The following ZNF611 variants were observed in gnomAD, a reference collection of about 807,000 sequenced individuals.
ZNF611 encodes zinc finger protein 611.
Under a neutral mutation model 8.9 loss-of-function variants are expected in ZNF611, and 6 were observed. That is an observed-to-expected ratio of 0.68 (90% CI 0.37 to 1.34). The LOEUF (loss-of-function observed/expected upper bound fraction) is 1.34, where lower values mean the gene tolerates loss of function less well. Ranked by LOEUF, ZNF611 falls within the 40% of genes most tolerant of loss-of-function variation. The pLI, the probability that ZNF611 is intolerant of heterozygous loss-of-function variation, is 0.02. For synonymous variants in ZNF611, 262 were observed against 279.7 expected (o/e 0.94, Z 0.63); for missense variants, 874 against 841.3 (o/e 1.04, Z -0.48).
At chr19:52,719,522 T>C (rs1351142138) in intron 3 of ZNF611, among the ~76,000 whole-genome samples, 1 of 152,184 alleles carries the variant, frequency 6.6e-6, no homozygotes, top group African/African-American at 2.4e-5. Flanking sequence ...ATCTGTATAA[T>C]TTAAACTAAT....
chr19:52,732,252 A>AGC (rs2062430380), intron 1 of ZNF611, among the ~76,000 whole-genome samples: 2 of 152,144 alleles, frequency 1.3e-5, no homozygotes, highest in Non-Finnish European at 2.9e-5. Context: ...CCTGGGTGAC[A>AGC]GAGCAAAACT....
intron 5 of ZNF611, among the ~76,000 whole-genome samples, chr19:52,712,649 A>AT (rs1191122134): frequency 6.6e-6 from 1 of 151,204 alleles, no homozygotes; most frequent in Non-Finnish European, 1.5e-5. Context: ...AAAAAAAAAA[A>AT]AGAAAGAAAC....
intron 3 of ZNF611, 77 bp from the exon 4 acceptor site, chr19:52,715,990 G>T: frequency 1.3e-6 from 2 of 1,543,346 alleles, no homozygotes; most frequent in Admixed American, 3.5e-5. Context: ...ACGAACGGGG[G>T]AGACGTCACC....
intron 3 of ZNF611, chr19:52,723,863 T>A (rs1252474135): frequency 6.6e-6 from 1 of 152,224 alleles, no homozygotes; most frequent in Admixed American, 6.5e-5. Flanking sequence ...TAAGGAAAGA[T>A]GCTGTACCTC....
chr19:52,722,239 G>A (rs945087173), intron 3 of ZNF611, among the ~76,000 whole-genome samples: 15 of 151,808 alleles, frequency 9.9e-5, no homozygotes, highest in Admixed American at 5.9e-4. Flanking sequence ...ATAACTAGCC[G>A]GGCTTGGTGT....
At position 52,705,336 on chromosome 19, in the gene ZNF611, C is replaced by A. The variant is rs2062233394; in HGVS notation, c.1719G>T (p.Lys573Asn). ...EKPYKCNECS[K>N]TFSHRSYLVC... Reference sequence around the variant, plus strand: ...CAAGGTATGACCTGTGACTGAAGGTCTTGCTGCACTCATTACACTTGTAAG... The same window carrying A: ...CAAGGTATGACCTGTGACTGAAGGTATTGCTGCACTCATTACACTTGTAAG... Residue 573 changes from lysine to asparagine, a missense_variant, in exon 6 of 6, where the codon AAG becomes AAT. Transcript: ENST00000652185. 5 of 1,613,990 alleles carry A rather than the reference C, an allele frequency of 3.1e-6. No individual in the cohort carries two copies. Among genetic ancestry groups the A allele is most frequent in the Non-Finnish European group, 4.2e-6 (5 of 1,180,034 alleles).
rs142178898 is a variant in ZNF611, at chr19:52,705,315, G to C, written c.1740C>G (p.Tyr580Ter). 7 of 1,613,936 alleles carry C rather than the reference G, an allele frequency of 4.3e-6. No individual in the cohort carries two copies. The highest frequency in any genetic ancestry group is 1.7e-5 in the Admixed American group (1 of 59,980). ...ECSKTFSHRSYLVCHHRVHSG... is the reference protein window; with the variant it reads ...ECSKTFSHRS ...TATGAACTCTATGATGGCATACAAG[G>C]TATGACCTGTGACTGAAGGTCTTGC... Residue 580 changes from tyrosine to a stop codon, truncating the protein, a stop_gained, in exon 6 of 6, where the codon TAC becomes TAG. Transcript: ENST00000652185. LOFTEE classifies it low-confidence loss of function (END_TRUNC).
At chr19:52,727,703 G>T (rs1392912516) in intron 3 of ZNF611, among the ~76,000 whole-genome samples, 2 of 152,048 alleles carry the variant, frequency 1.3e-5, no homozygotes, top group African/African-American at 4.8e-5. Flanking sequence ...CAATGTATTG[G>T]GATTACAGGC....
intron 5 of ZNF611, chr19:52,711,065 C>G (rs1351324941): frequency 6.6e-6 from 1 of 152,196 alleles, no homozygotes; most frequent in East Asian, 1.9e-4. Context: ...GGCACAGTGG[C>G]TCATGCCTGT....
intron 3 of ZNF611, among the ~76,000 whole-genome samples, chr19:52,724,861 A>ATC (rs1341306537): frequency 4.0e-5 from 6 of 151,586 alleles, no homozygotes; most frequent in African/African-American, 9.7e-5. Flanking sequence ...CTTGTCCTTC[A>ATC]TCTCTGTACA....
intron 3 of ZNF611, chr19:52,716,176 T>C (rs2062316229): frequency 2.6e-6 from 1 of 385,816 alleles, no homozygotes; most frequent in Non-Finnish European, 4.8e-6. Flanking sequence ...TGATCTCCCC[T>C]TCAGGGCACA....
rs777618211 is a variant in ZNF611, at chr19:52,706,089, C to G, written c.966G>C (p.Lys322Asn). 1 of 1,614,100 alleles carries G rather than the reference C, an allele frequency of 6.2e-7. No individual in the cohort carries two copies. The highest frequency in any genetic ancestry group is 1.1e-5 in the South Asian group (1 of 91,080). The change falls in exon 6 of 6, where the codon AAG becomes AAC. Residue 322 changes from lysine (K) to asparagine (N), a missense_variant. By Grantham distance (94) the Lys-to-Asn change is moderately conservative. Coordinates refer to ENST00000652185, the MANE Select transcript of ZNF611 (RefSeq NM_001161499.2). ...GAAGGGCTGAATTTTGACCAAAGAT[C>G]TTGCCACACTCATTACAATTGTAAC... ...VKRYNCNECGKIFGQNSALLI... is the reference protein window; with the variant it reads ...VKRYNCNECGNIFGQNSALLI...
intron 5 of ZNF611, among the ~76,000 whole-genome samples, chr19:52,707,864 C>T (rs1365653224): frequency 6.6e-6 from 1 of 151,938 alleles, no homozygotes; most frequent in East Asian, 1.9e-4. Context: ...CTCCTGACCT[C>T]AAGTAATCCA....
chr19:52,717,011 G>T (rs1278572181), intron 3 of ZNF611, among the ~76,000 whole-genome samples: 2 of 151,840 alleles, frequency 1.3e-5, no homozygotes. Flanking sequence ...CCAGCCTGGG[G>T]GACAAAACGA....
chr19:52,734,790 A>G (rs1376452133), intron 1 of ZNF611, among the ~76,000 whole-genome samples: 1 of 152,052 alleles, frequency 6.6e-6, no homozygotes, highest in African/African-American at 2.4e-5. Flanking sequence ...ACATTGACCT[A>G]TAGCAGAAAG....
At chr19:52,714,636 C>T (rs2062302935) in intron 4 of ZNF611, among the ~76,000 whole-genome samples, 1 of 147,654 alleles carries the variant, frequency 6.8e-6, no homozygotes, top group South Asian at 2.1e-4. Context: ...TGCAGTGAGC[C>T]AAGTTCGCAC....
intron 4 of ZNF611, among the ~76,000 whole-genome samples, chr19:52,714,525 TA>T (rs957102707): frequency 6.6e-6 from 1 of 150,950 alleles, no homozygotes; most frequent in Non-Finnish European, 1.5e-5. Flanking sequence ...CTGTCTCTCC[TA>T]AAAATATAAA....
chr19:52,725,367 C>T (rs1212255111), intron 3 of ZNF611, among the ~76,000 whole-genome samples: 1 of 152,168 alleles, frequency 6.6e-6, no homozygotes, highest in East Asian at 1.9e-4. Flanking sequence ...CCCGGCGCTG[C>T]GCTCCAGGGG....
At chr19:52,707,767 T>C (rs1326299482) in intron 5 of ZNF611, among the ~76,000 whole-genome samples, 2 of 151,872 alleles carry the variant, frequency 1.3e-5, no homozygotes, top group African/African-American at 4.8e-5. Flanking sequence ...CCAGAGTAGC[T>C]TGGACTACAG....
Sources: gnomAD v4.1 joint callset for allele counts (sites outside exome capture counted in the v4.1 genomes callset) on GRCh38, gnomAD v4.1.1 for gene constraint, MANE v1.5 for transcripts, NCBI Gene and HGNC (gene_info 2026-07-23, HGNC 2026-07-21) for gene names.